Variants in RBM22 observed in about 807,000 individuals in gnomAD.
RBM22 encodes RNA binding motif protein 22.
In RBM22, 1 loss-of-function variant was observed where a neutral mutation model predicts 50.1. That is an observed-to-expected ratio of 0.02 (90% CI 0.01 to 0.09). The LOEUF is 0.09. RBM22 is among the 10% of genes least tolerant of loss of function. The pLI is 1.00. For missense variants in RBM22, 264 were observed against 529.3 expected (o/e 0.50, Z 4.92); for synonymous variants, 152 against 179.0 (o/e 0.85, Z 1.20).
At chr5:150,692,591 T>C (rs1016769896) in intron 10 of RBM22, among the ~76,000 whole-genome samples, 12 of 152,086 alleles carry the variant, frequency 7.9e-5, no homozygotes, top group African/African-American at 2.7e-4. Flanking sequence ...CACTGGGCAA[T>C]AGTGCTCTAG....
chr5:150,696,491 A>G lies in RBM22; in HGVS notation c.545+42T>C, dbSNP rs1490300627. The G allele has an allele frequency of 6.4e-7, 1 of 1,565,202 alleles. No homozygotes were observed. Among genetic ancestry groups the G allele is most frequent in the Non-Finnish European group, 8.7e-7 (1 of 1,144,804 alleles). ...AGGACCTCCCACTTCTTAGATGAGA[A>G]ATCATCTGAAAGCAAATACTGAAAA... On this transcript the variant is annotated intron_variant, in intron 6 of 10. Coordinates refer to ENST00000199814, the MANE Select transcript of RBM22 (RefSeq NM_018047.3). This position sits in a 1 kb window ranked among gnomAD's most constrained non-coding sequence, Gnocchi z 4.3.
rs202091279 is a variant in RBM22 at position 150,691,863 on chromosome 5, A to C, written c.1151T>G (p.Phe384Cys). 2 of 1,593,274 alleles carry C rather than the reference A, an allele frequency of 1.3e-6. No individual in the cohort carries two copies. Among genetic ancestry groups the C allele is most frequent in the Admixed American group, 1.8e-5 (1 of 56,650 alleles). The change falls in exon 11 of 11, where the codon TTC (phenylalanine) becomes TGC (cysteine). Residue 384 changes from phenylalanine to cysteine, a missense_variant. By Grantham distance (205) the Phe-to-Cys change is radical. Coordinates refer to ENST00000199814, the MANE Select transcript of RBM22 (RefSeq NM_018047.3). ...PPPPGFGPHM[F>C]HPMGPPPPFM... ...AGGAGGGGGTGGTCCCATTGGGTGG[A>C]ACATGTGTGGCCCAAAACCTGCAGA...
chr5:150,695,827 A>C, intron 6 of RBM22, 121 bp from the exon 7 acceptor site: 1 of 777,102 alleles, frequency 1.3e-6, no homozygotes, highest in Non-Finnish European at 2.0e-6. Context: ...TTTGAACTAG[A>C]AACTATGGTT....
At chr5:150,692,030 A>G in intron 10 of RBM22, 149 bp from the exon 11 acceptor site, 1 of 941,876 alleles carries the variant, frequency 1.1e-6, no homozygotes, top group Non-Finnish European at 1.4e-6. Flanking sequence ...ACTTACTTCC[A>G]CTTGTTATTT....
intron 4 of RBM22, among the ~76,000 whole-genome samples, chr5:150,697,573 C>T (rs575763851): frequency 2.0e-5 from 3 of 152,328 alleles, no homozygotes; most frequent in Non-Finnish European, 2.9e-5. Flanking sequence ...GTTAGTCTTA[C>T]AGATCCTCTG....
intron 3 of RBM22, 125 bp downstream of exon 3, chr5:150,699,117 T>C: frequency 7.7e-7 from 1 of 1,298,236 alleles, no homozygotes; most frequent in Non-Finnish European, 1.0e-6. Context: ...ATATCAGTAA[T>C]ACATAAAAAG....
In RBM22 at chr5:150,691,822, C is replaced by T; in HGVS notation, c.1192G>A (p.Gly398Arg). The T allele has an allele frequency of 1.9e-6, 3 of 1,601,282 alleles. No homozygotes were observed. Among genetic ancestry groups the T allele is most frequent in the Non-Finnish European group, 2.6e-6 (3 of 1,173,908 alleles). ...TCCTGAGAAGGATAGTGGATTGGTC[C>T]TGGAGCCCGCATGAAAGGAGGGGGT... ...GPPPPFMRAP[G>R]PIHYPSQDPQ... is the part of the protein sequence containing the mutation. Residue 398 changes from glycine to arginine, a missense_variant, in exon 11 of 11, where the codon GGA (glycine) becomes AGA (arginine). Transcript: ENST00000199814.
chr5:150,700,772 C>A (rs1430404166), intron 1 of RBM22, 160 bp downstream of exon 1: 2 of 1,553,932 alleles, frequency 1.3e-6, no homozygotes, highest in Non-Finnish European at 1.7e-6. Flanking sequence ...TTCAAGCCCG[C>A]AGGAGGATCG....
intron 10 of RBM22, among the ~76,000 whole-genome samples, chr5:150,692,455 GT>G (rs555978655): frequency 6.6e-6 from 1 of 152,216 alleles, no homozygotes; most frequent in South Asian, 2.1e-4. Flanking sequence ...TCATCTGACA[GT>G]TTTTTTGGTA....
intron 3 of RBM22, 122 bp from the exon 4 acceptor site, chr5:150,698,753 C>G: frequency 2.4e-6 from 3 of 1,250,300 alleles, no homozygotes; most frequent in Non-Finnish European, 3.3e-6. Flanking sequence ...GAGACCTTAG[C>G]AATCATCTAG....
chr5:150,699,064 T>C (rs1350144715), intron 3 of RBM22, among the ~76,000 whole-genome samples, 178 bp downstream of exon 3: 1 of 152,208 alleles, frequency 6.6e-6, no homozygotes, highest in Non-Finnish European at 1.5e-5. Flanking sequence ...ATTAGAGGGT[T>C]CATTTTCTTA....
At chr5:150,699,858 T>A (rs752498684) in intron 2 of RBM22, among the ~76,000 whole-genome samples, 1 of 152,230 alleles carries the variant, frequency 6.6e-6, no homozygotes, top group Non-Finnish European at 1.5e-5. Flanking sequence ...ATATAGTAAA[T>A]GTTCTGTTTA....
intron 4 of RBM22, 21 bp downstream of exon 4, chr5:150,698,478 T>C (rs1183892140): frequency 1.2e-6 from 2 of 1,611,946 alleles, no homozygotes; most frequent in African/African-American, 1.3e-5. Context: ...CTTTCAGATT[T>C]ATTGGACAGG....
intron 10 of RBM22, 59 bp from the exon 11 acceptor site, chr5:150,691,940 C>T (rs1044710538): frequency 6.7e-5 from 95 of 1,417,762 alleles, no homozygotes; most frequent in Middle Eastern, 1.9e-4. Context: ...ACCTTTCAAA[C>T]CTCTCAATCT....
At chr5:150,692,427 G>A (rs560530419) in intron 10 of RBM22, among the ~76,000 whole-genome samples, 11 of 152,100 alleles carry the variant, frequency 7.2e-5, no homozygotes, top group African/African-American at 1.7e-4. Context: ...TAAATTATAC[G>A]ACCAGGCACA....
At position 150,691,180 on chromosome 5, in the gene RBM22, G is replaced by GT. The variant is rs1326651621; in HGVS notation, c.*570_*571insA. 6.6e-6 allele frequency: 1 copy of GT among 152,310 alleles called. No homozygotes were observed. The highest frequency in any genetic ancestry group is 1.5e-5 in the Non-Finnish European group (1 of 68,036). 9.4% of individuals were successfully genotyped at this position (152,310 alleles called of 1,614,324 possible). ...GGGCCGTAGAGACGTAAAATGGTCA[G>GT]ATTCCTTTAGGAATAAATGAGGAAA... On this transcript the variant is annotated 3_prime_UTR_variant, in exon 11 of 11. Coordinates refer to ENST00000199814, the MANE Select transcript of RBM22 (RefSeq NM_018047.3).
At chr5:150,694,382 A>G in intron 7 of RBM22, 142 bp from the exon 8 acceptor site, 4 of 1,325,122 alleles carry the variant, frequency 3.0e-6, no homozygotes, top group Non-Finnish European at 3.0e-6. Flanking sequence ...GCAGGTCTCC[A>G]CCCCATATCT....
Position 150,690,979 on chromosome 5 carries a change from T to C in RBM22, c.*772A>G, listed in dbSNP as rs1282897853. 4 of 152,346 alleles carry C rather than the reference T, an allele frequency of 2.6e-5. No homozygotes were observed. Among genetic ancestry groups the C allele is most frequent in the African/African-American group, 7.2e-5 (3 of 41,458 alleles). The allele number at this position is 152,346 out of a possible 1,614,324, so 9.4% of individuals were successfully genotyped here. A position where few individuals can be genotyped will look rare whatever the true frequency, so the allele number is the denominator to read the frequency against. ...TCCCAGCAGGAGGTCACGTCTTTCA[T>C]TCAGACGCTCCAATGCTTTTCATTT... On this transcript the variant is annotated 3_prime_UTR_variant, in exon 11 of 11. Coordinates refer to ENST00000199814, the MANE Select transcript of RBM22 (RefSeq NM_018047.3).
In RBM22 at chr5:150,693,256, A is replaced by T; in HGVS notation, c.963T>A (p.Ser321=). The T allele has an allele frequency of 6.2e-7, 1 of 1,614,074 alleles. No homozygotes were observed. Among genetic ancestry groups the T allele is most frequent in the Non-Finnish European group, 8.5e-7 (1 of 1,179,972 alleles). Residue 321 remains serine (S), a synonymous_variant, in exon 9 of 11, where the codon TCT becomes TCA. Transcript: ENST00000199814. ...CTGGAACAGGTTCTAGTTTGATCCC[A>T]GAGTCTGTAGTTCCATCTTTCTCTT... is the stretch of plus-strand genomic sequence containing the variant. ...KEKEKDGTTD[S]GIKLEPVPGL...
Sources: gnomAD v4.1 joint callset for allele counts (sites outside exome capture counted in the v4.1 genomes callset) on GRCh38, gnomAD v4.1.1 for gene constraint, Gnocchi (gnomAD v3.1) non-coding constraint, MANE v1.5 for transcripts, NCBI Gene and HGNC (gene_info 2026-07-23, HGNC 2026-07-21) for gene names.